The following GALNT18 variants were observed in gnomAD, a reference collection of about 807,000 sequenced individuals.
GALNT18 encodes the protein GalNAc-transferase 18.
GALNT18 carries 44 observed loss-of-function variants against 69.5 expected under a neutral mutation model. The observed-to-expected ratio is 0.63, with a 90% CI of 0.50 to 0.81. GALNT18 has a LOEUF of 0.81. GALNT18 is among the 40% of genes least tolerant of loss of function. The probability of loss-of-function intolerance (pLI) is 0.00; values close to 1 mark genes in which losing one functional copy is unlikely to be tolerated. For missense variants in GALNT18, 715 were observed against 810.0 expected (o/e 0.88, Z 1.42); for synonymous variants, 364 against 318.2 (o/e 1.14, Z -1.53).
In GALNT18 at chr11:11,620,652, A is replaced by G. The variant is rs1027964417; in HGVS notation, c.235+707T>C. Among the ~76,000 whole-genome samples, 3 of 152,148 alleles carry G rather than the reference A, an allele frequency of 2.0e-5. No homozygotes were observed. Among genetic ancestry groups the G allele is most frequent in the African/African-American group, 7.2e-5 (3 of 41,452 alleles). On this transcript the variant is annotated intron_variant, in intron 1 of 10. Coordinates refer to ENST00000227756, the MANE Select transcript of GALNT18 (RefSeq NM_198516.3). This position sits in a 1 kb window ranked among gnomAD's most constrained non-coding sequence, Gnocchi z 6.9. The stretch of plus-strand genomic sequence containing the variant: ...TGTTCTTCCAGTCTTGGGCGGAGTC[A>G]TCACCACAGTGGACAGAGACTCCAG...
intron 9 of GALNT18, among the ~76,000 whole-genome samples, chr11:11,295,982 C>T (rs146422055): frequency 5.9e-5 from 9 of 152,122 alleles, no homozygotes; most frequent in South Asian, 2.1e-4. Context: ...AGGTCACCAC[C>T]GAAGAAAGCT....
chr11:11,359,780 G>A (rs950594868), intron 6 of GALNT18, among the ~76,000 whole-genome samples: 7 of 152,244 alleles, frequency 4.6e-5, no homozygotes, highest in South Asian at 4.1e-4. Context: ...TTTAAACCCC[G>A]AAGGTAGAGA....
intron 6 of GALNT18, among the ~76,000 whole-genome samples, chr11:11,359,706 G>A (rs915790884): frequency 6.6e-6 from 1 of 152,204 alleles, no homozygotes; most frequent in Non-Finnish European, 1.5e-5. Context: ...TGGTACGGTG[G>A]TCATTTTCCA....
intron 6 of GALNT18, among the ~76,000 whole-genome samples, chr11:11,358,189 T>C (rs1850570196): frequency 7.8e-6 from 1 of 128,492 alleles, no homozygotes; most frequent in African/African-American, 2.9e-5. Flanking sequence ...CTTTTTACCT[T>C]AGTTTTATAG....
At chr11:11,449,228 C>T (rs1855736017) in intron 1 of GALNT18, among the ~76,000 whole-genome samples, 1 of 152,322 alleles carries the variant, frequency 6.6e-6, no homozygotes, top group African/African-American at 2.4e-5. Context: ...AGTCAGGACC[C>T]CCTTTTTCCC....
At chr11:11,355,522 C>T (rs573494688) in intron 6 of GALNT18, among the ~76,000 whole-genome samples, 4 of 152,282 alleles carry the variant, frequency 2.6e-5, no homozygotes, top group South Asian at 2.1e-4. Flanking sequence ...CCCTTTCACT[C>T]GCAAAAGCTT....
At position 11,398,137 on chromosome 11, in the gene GALNT18, G is replaced by T. The variant is rs182306751; in HGVS notation, c.596-18873C>A. On this transcript the variant is annotated intron_variant, in intron 3 of 10. Transcript: ENST00000227756. ...TGCATTTTATAGATGAGAAAACTGG[G>T]ATGTTAAGCAATGTGTTCAAGATTG... 8.6e-4 allele frequency among the ~76,000 whole-genome samples: 131 copies of T among 152,336 alleles called. 2 individuals are homozygous for T. The highest frequency in any genetic ancestry group is 1.7e-3 in the Non-Finnish European group (113 of 68,036).
At chr11:11,306,139 T>C (rs1849574226) in intron 9 of GALNT18, among the ~76,000 whole-genome samples, 1 of 152,202 alleles carries the variant, frequency 6.6e-6, no homozygotes, top group Non-Finnish European at 1.5e-5. Flanking sequence ...CTTTTTAGCA[T>C]ACAACAGTTA....
chr11:11,272,015 TC>T (rs1323046602), intron 10 of GALNT18, among the ~76,000 whole-genome samples: 1 of 151,282 alleles, frequency 6.6e-6, no homozygotes, highest in Non-Finnish European at 1.5e-5. Context: ...GCCTGGACTG[TC>T]TGAGCATCTC....
rs755285273 is a variant in GALNT18, at chr11:11,603,204, C to G, written c.235+18155G>C. Among the ~76,000 whole-genome samples the G allele has an allele frequency of 6.6e-6, 1 of 152,162 alleles. No homozygotes were observed. The highest frequency in any genetic ancestry group is 1.5e-5 in the Non-Finnish European group (1 of 68,018). ...AACATGGAGAAAACTGGGCTGTAAACAAATAATACCCAACAGCCAAGACTA... is the reference window on the plus strand; with the variant it reads ...AACATGGAGAAAACTGGGCTGTAAAGAAATAATACCCAACAGCCAAGACTA... On this transcript the variant is annotated intron_variant, in intron 1 of 10. Coordinates refer to ENST00000227756, the MANE Select transcript of GALNT18 (RefSeq NM_198516.3). The surrounding 1 kb of genome is among the most constrained non-coding windows in gnomAD (Gnocchi z 4.5).
intron 1 of GALNT18, among the ~76,000 whole-genome samples, chr11:11,568,303 G>A (rs904133050): frequency 9.2e-5 from 14 of 152,056 alleles, no homozygotes; most frequent in African/African-American, 3.1e-4. Flanking sequence ...CTTCAATACA[G>A]GAGTAGCAGG....
intron 1 of GALNT18, among the ~76,000 whole-genome samples, chr11:11,578,346 A>AAC (rs1858979937): frequency 6.6e-6 from 1 of 151,632 alleles, no homozygotes; most frequent in Non-Finnish European, 1.5e-5. Flanking sequence ...AAAAAAAAAA[A>AAC]AACTCAATAA....
intron 1 of GALNT18, among the ~76,000 whole-genome samples, chr11:11,544,536 AAC>A (rs1328682848): frequency 1.3e-5 from 2 of 152,226 alleles, no homozygotes; most frequent in Non-Finnish European, 2.9e-5. Context: ...TTAAAAAGTG[AAC>A]AGTCAAGCAT....
chr11:11,446,941 A>G (rs1010722724), intron 2 of GALNT18, among the ~76,000 whole-genome samples: 1 of 152,180 alleles, frequency 6.6e-6, no homozygotes, highest in African/African-American at 2.4e-5. Context: ...GCTGCCCCAG[A>G]AACACTTATC....
chr11:11,343,931 A>C (rs1305804744), intron 6 of GALNT18, among the ~76,000 whole-genome samples: 1 of 151,960 alleles, frequency 6.6e-6, no homozygotes, highest in Non-Finnish European at 1.5e-5. Context: ...CCAGCACCTG[A>C]ATTCACTCCC....
intron 1 of GALNT18, chr11:11,475,596 A>G (rs180719956): frequency 6.6e-5 from 10 of 152,376 alleles, no homozygotes; most frequent in Admixed American, 3.3e-4. Flanking sequence ...AGGCTGTTGC[A>G]TCTTGTTACT....
At chr11:11,593,080 A>T (rs937319143) in intron 1 of GALNT18, among the ~76,000 whole-genome samples, 5 of 151,950 alleles carry the variant, frequency 3.3e-5, no homozygotes, top group African/African-American at 1.2e-4. Flanking sequence ...CGCTCGGCTA[A>T]TTTTTTGTAT....
At chr11:11,579,132 C>T (rs1414544365) in intron 1 of GALNT18, among the ~76,000 whole-genome samples, 5 of 152,234 alleles carry the variant, frequency 3.3e-5, no homozygotes, top group Non-Finnish European at 7.3e-5. Flanking sequence ...TGGGCAGACA[C>T]AATCCCACTG....
intron 2 of GALNT18, among the ~76,000 whole-genome samples, chr11:11,442,472 C>T (rs1855550945): frequency 6.6e-6 from 1 of 152,122 alleles, no homozygotes; most frequent in Non-Finnish European, 1.5e-5. Context: ...ACCAGGACCC[C>T]CAAAGTTCAA....
Sources: allele counts gnomAD v4.1 joint callset (sites outside exome capture counted in the v4.1 genomes callset), GRCh38; gene constraint gnomAD v4.1.1; non-coding constraint Gnocchi (gnomAD v3.1); transcripts MANE v1.5; gene names NCBI Gene and HGNC (gene_info 2026-07-23, HGNC 2026-07-21).